Variants in SLX4 observed in about 807,000 individuals in gnomAD.
SLX4 encodes SLX4 structure-specific endonuclease subunit.
Under a neutral mutation model 146.2 loss-of-function variants are expected in SLX4, and 112 were observed. The observed-to-expected ratio is 0.77, with a 90% CI of 0.66 to 0.90. The LOEUF is 0.90. Ranked by LOEUF, SLX4 falls within the 40% of genes least tolerant of loss-of-function variation. The pLI is 0.00. For synonymous variants in SLX4, 1,061 were observed against 997.7 expected (o/e 1.06, Z -1.20); for missense variants, 2,563 against 2,392.7 (o/e 1.07, Z -1.49).
chr16:3,610,038 G>A (rs1449046810), intron 1 of SLX4, among the ~76,000 whole-genome samples: 2 of 152,196 alleles, frequency 1.3e-5, no homozygotes, highest in African/African-American at 4.8e-5. Flanking sequence ...TCTCAACCCA[G>A]CAAGGCTCTC....
rs113420526 is a variant in SLX4, at chr16:3,591,018, C to G, written c.2620G>C (p.Gly874Arg). 2 of 1,614,158 alleles carry G rather than the reference C, an allele frequency of 1.2e-6. No homozygotes were observed. The highest frequency in any genetic ancestry group is 4.5e-5 in the East Asian group (2 of 44,882). ...CCCTCCAGCCAGTCAGCGTCCTCGC[C>G]GGCACCCGCTGCCCTTTCTTCCTGG... ...LLQEERAAGA[G>R]EDADWLEGGS... Residue 874 changes from glycine (G) to arginine (R), a missense_variant, in exon 12 of 15, where the codon GGC (glycine) becomes CGC (arginine). Transcript: ENST00000294008.
rs2040820767 is a variant in SLX4 at position 3,609,158 on chromosome 16, C to G, written c.-194G>C. 1 of 600,450 alleles carries G rather than the reference C, an allele frequency of 1.7e-6. No homozygotes were observed. Among genetic ancestry groups the G allele is most frequent in the South Asian group, 1.9e-5 (1 of 51,356 alleles). 37.2% of individuals were successfully genotyped at this position (600,450 alleles called of 1,614,324 possible). On this transcript the variant is annotated 5_prime_UTR_variant, in exon 2 of 15. Transcript: ENST00000294008. ...GTGGCTCACACTTGTAATCCCAGCT[C>G]TTTTGGAGGACGAGGCGGGGGGTGG...
At position 3,590,473 on chromosome 16, in the gene SLX4, G is replaced by C; in HGVS notation, c.3165C>G (p.Ser1055=). 2.5e-6 allele frequency: 4 copies of C among 1,614,094 alleles called. No individual in the cohort carries two copies. The highest frequency in any genetic ancestry group is 3.4e-6 in the Non-Finnish European group (4 of 1,179,970). Reference sequence around the variant, plus strand: ...CGCCACGGGACCGGGGTGTTGACAGGGACGACCCACTTGTGTGATGAGACC... The same window carrying C: ...CGCCACGGGACCGGGGTGTTGACAGCGACGACCCACTTGTGTGATGAGACC... ...PRGSHHTSGS[S]LSTPRSRGGT... Residue 1055 remains serine, a synonymous_variant, in exon 12 of 15, where the codon TCC becomes TCG. Coordinates refer to ENST00000294008, the MANE Select transcript of SLX4 (RefSeq NM_032444.4). The surrounding 1 kb of genome is among the most constrained non-coding windows in gnomAD (Gnocchi z 4.8).
chr16:3,596,976 C>T (rs1312694353), intron 7 of SLX4, among the ~76,000 whole-genome samples: 1 of 152,148 alleles, frequency 6.6e-6, no homozygotes, highest in African/African-American at 2.4e-5. Context: ...GTGTGTGCCA[C>T]CATGCCTGGC....
intron 12 of SLX4, 134 bp from the exon 13 acceptor site, chr16:3,585,005 A>T (rs2040491849): frequency 1.1e-5 from 8 of 745,154 alleles, no homozygotes; most frequent in Non-Finnish European, 1.7e-5. Context: ...TGAAAGCAAC[A>T]GTGGTCACCC....
At chr16:3,605,124 C>T (rs1332607126) in intron 3 of SLX4, among the ~76,000 whole-genome samples, 2 of 151,630 alleles carry the variant, frequency 1.3e-5, no homozygotes, top group African/African-American at 4.8e-5. Flanking sequence ...GAGTCTTGCT[C>T]TGTTGCCCAG....
intron 1 of SLX4, among the ~76,000 whole-genome samples, chr16:3,610,733 A>G (rs2040852112): frequency 6.6e-6 from 1 of 152,226 alleles, no homozygotes; most frequent in Non-Finnish European, 1.5e-5. Context: ...TCCATCTATT[A>G]CTTTGCAACC....
At chr16:3,601,578 A>G (rs78487935) in intron 4 of SLX4, 33,905 of 344,240 alleles carry the variant, frequency 0.098, 1,953 homozygotes, top group South Asian at 0.17. Flanking sequence ...AGGATAAACC[A>G]TGGTCATATT....
At chr16:3,595,746 C>G (rs762362398) in intron 8 of SLX4, 53 bp from the exon 9 acceptor site, 7 of 1,598,258 alleles carry the variant, frequency 4.4e-6, no homozygotes, top group Non-Finnish European at 4.3e-6. Flanking sequence ...CCACATCCAC[C>G]ACCAAGAAGA....
chr16:3,588,111 G>A (rs1055628344), intron 12 of SLX4, among the ~76,000 whole-genome samples: 14 of 152,166 alleles, frequency 9.2e-5, no homozygotes, highest in East Asian at 3.8e-4. Context: ...TAAAAAAATC[G>A]TAAAGGGAAT....
At chr16:3,604,421 G>C (rs1208520434) in intron 3 of SLX4, among the ~76,000 whole-genome samples, 2 of 152,120 alleles carry the variant, frequency 1.3e-5, no homozygotes, top group Non-Finnish European at 2.9e-5. Context: ...TGGACGCCAG[G>C]CACTATTATG....
rs1037421761 is a variant in SLX4, at chr16:3,582,093, C to G, written c.*249G>C. ...AAGGGAGACACACTGTGAGCACGGA[C>G]AGAGGAAGGGGCTGGAGTCTGTAAA... On this transcript the variant is annotated 3_prime_UTR_variant, in exon 15 of 15. Coordinates refer to ENST00000294008, the MANE Select transcript of SLX4 (RefSeq NM_032444.4). 13 of 579,598 alleles carry G rather than the reference C, an allele frequency of 2.2e-5. No individual in the cohort carries two copies. The highest frequency in any genetic ancestry group is 2.1e-4 in the African/African-American group (11 of 53,572). The allele number at this position is 579,598 out of a possible 1,614,324, so 35.9% of individuals were successfully genotyped here.
At position 3,594,609 on chromosome 16, in the gene SLX4, G is replaced by A. The variant is rs757561004; in HGVS notation, c.2014-10C>T. 2 of 1,613,670 alleles carry A rather than the reference G, an allele frequency of 1.2e-6. No homozygotes were observed. Among genetic ancestry groups the A allele is most frequent in the African/African-American group, 1.3e-5 (1 of 74,920 alleles). ...GCAGCCCGAGGGAGAGCTGAAGCAGGAGGAGAGGAAGAGCCGTCACCTCCC... is the reference window on the plus strand; with the variant it reads ...GCAGCCCGAGGGAGAGCTGAAGCAGAAGGAGAGGAAGAGCCGTCACCTCCC... On this transcript the variant is annotated splice_polypyrimidine_tract_variant and intron_variant, in intron 9 of 14. Coordinates refer to ENST00000294008, the MANE Select transcript of SLX4 (RefSeq NM_032444.4).
chr16:3,591,370 C>G (rs2151126219), intron 11 of SLX4, 60 bp from the exon 12 acceptor site: 1 of 1,598,814 alleles, frequency 6.3e-7, no homozygotes, highest in Non-Finnish European at 8.5e-7. Flanking sequence ...TCTGGGTGCC[C>G]CGGTGGGGTG....
rs144037266 is a variant in SLX4, at chr16:3,589,257, C to T, written c.4381G>A (p.Ala1461Thr). ...TSSPSRRMNE[A>T]ADSRDCRSPG... ...GAGCGACAGTCACGGCTGTCGGCGG[C>T]CTCGTTCATCCTGCGGCTGGGGCTG... The change falls in exon 12 of 15, where the codon GCC (alanine) becomes ACC (threonine). Residue 1461 changes from alanine to threonine, a missense_variant. Ala to Thr is a moderately conservative substitution (Grantham distance 58, BLOSUM62 0). Coordinates refer to ENST00000294008, the MANE Select transcript of SLX4 (RefSeq NM_032444.4). This position sits in a 1 kb window ranked among gnomAD's most constrained non-coding sequence, Gnocchi z 6.2. 2 of 1,603,250 alleles carry T rather than the reference C, an allele frequency of 1.2e-6. No homozygotes were observed. Among genetic ancestry groups the T allele is most frequent in the Admixed American group, 1.7e-5 (1 of 59,278 alleles).
At chr16:3,602,787 A>G (rs1168047093) in intron 3 of SLX4, among the ~76,000 whole-genome samples, 1 of 152,224 alleles carries the variant, frequency 6.6e-6, no homozygotes, top group East Asian at 1.9e-4. Flanking sequence ...TTTACTGCCC[A>G]TGATAAAACC....
chr16:3,589,837 A>G lies in SLX4; in HGVS notation c.3801T>C (p.Arg1267=), dbSNP rs772673695. 2.3e-5 allele frequency: 37 copies of G among 1,613,348 alleles called. No individual in the cohort carries two copies. The highest frequency in any genetic ancestry group is 2.7e-5 in the Non-Finnish European group (32 of 1,180,032). Residue 1267 remains arginine, a synonymous_variant, in exon 12 of 15, where the codon CGT becomes CGC. Coordinates refer to ENST00000294008, the MANE Select transcript of SLX4 (RefSeq NM_032444.4). This position sits in a 1 kb window ranked among gnomAD's most constrained non-coding sequence, Gnocchi z 6.2. ...TGATTTGGGTCTGGGAAGAACAGTC[A>G]CGGCTTCTGCTGGCCAGCGGGGTGG... The part of the protein sequence containing the change: ...VPATPLASRS[R]DCSSQTQISS...
intron 2 of SLX4, 39 bp from the exon 3 acceptor site, chr16:3,606,737 C>A: frequency 6.2e-7 from 1 of 1,606,046 alleles, no homozygotes; most frequent in South Asian, 1.1e-5. Flanking sequence ...TCTGTTGTAG[C>A]TGGAGAAATA....
At chr16:3,586,010 TAAC>T (rs949383875) in intron 12 of SLX4, among the ~76,000 whole-genome samples, 1 of 150,730 alleles carries the variant, frequency 6.6e-6, no homozygotes, top group Non-Finnish European at 1.5e-5. Flanking sequence ...CTCAAAACAA[TAAC>T]AACAACAACA....
Sources: gnomAD v4.1 joint callset for allele counts (sites outside exome capture counted in the v4.1 genomes callset) on GRCh38, gnomAD v4.1.1 for gene constraint, Gnocchi (gnomAD v3.1) non-coding constraint, MANE v1.5 for transcripts, NCBI Gene and HGNC (gene_info 2026-07-23, HGNC 2026-07-21) for gene names.